Variants in ASTN2 observed in about 807,000 individuals in gnomAD.
ASTN2 encodes the protein astrotactin-2.
ASTN2 carries 54 observed loss-of-function variants against 139.8 expected under a neutral mutation model. The observed-to-expected ratio is 0.39, with a 90% CI of 0.31 to 0.48. The LOEUF (loss-of-function observed/expected upper bound fraction) is 0.48, where lower values mean the gene tolerates loss of function less well. Ranked by LOEUF, ASTN2 falls within the 20% of genes least tolerant of loss-of-function variation. The pLI, the probability that ASTN2 is intolerant of heterozygous loss-of-function variation, is 0.95. For missense variants in ASTN2, 1,565 were observed against 1,725.1 expected, an observed-to-expected ratio of 0.91 and a Z score of 1.64; for synonymous variants, 756 against 719.5, an observed-to-expected ratio of 1.05 and a Z score of -0.81.
intron 7 of ASTN2, among the ~76,000 whole-genome samples, chr9:116,981,487 A>G (rs903490159): frequency 6.6e-6 from 1 of 152,226 alleles, no homozygotes; most frequent in Non-Finnish European, 1.5e-5. Flanking sequence ...ACCCTTAAAG[A>G]TCAGCTAGTT....
chr9:116,901,021 CAT>C (rs1833995151), intron 10 of ASTN2, among the ~76,000 whole-genome samples: 1 of 151,954 alleles, frequency 6.6e-6, no homozygotes, highest in Non-Finnish European at 1.5e-5. Context: ...CAAAGTTAAA[CAT>C]AGAATGAGTG....
At chr9:117,252,501 C>T (rs1008071201) in intron 2 of ASTN2, among the ~76,000 whole-genome samples, 1 of 152,172 alleles carries the variant, frequency 6.6e-6, no homozygotes, top group South Asian at 2.1e-4. Context: ...GAGCAAGAAA[C>T]AGGACAGATC....
At chr9:116,635,265 C>T (rs946660555) in intron 17 of ASTN2, among the ~76,000 whole-genome samples, 7 of 152,066 alleles carry the variant, frequency 4.6e-5, no homozygotes, top group East Asian at 3.9e-4. Flanking sequence ...TCTAAGAAAA[C>T]GGAGCTCAGG....
chr9:116,955,048 G>A (rs1835672163), intron 10 of ASTN2, among the ~76,000 whole-genome samples: 1 of 152,226 alleles, frequency 6.6e-6, no homozygotes, highest in Non-Finnish European at 1.5e-5. Flanking sequence ...GAATGAGAAG[G>A]CACAAGATGA....
chr9:116,928,920 A>C (rs1834828045), intron 10 of ASTN2, among the ~76,000 whole-genome samples: 1 of 152,254 alleles, frequency 6.6e-6, no homozygotes, highest in Non-Finnish European at 1.5e-5. Flanking sequence ...AAAGGAAGAC[A>C]CTGGAAGCAC....
chr9:117,177,823 C>G (rs1212058461), intron 3 of ASTN2, among the ~76,000 whole-genome samples: 1 of 152,166 alleles, frequency 6.6e-6, no homozygotes, highest in Non-Finnish European at 1.5e-5. Flanking sequence ...TGTGTGGCCT[C>G]TAATCCTCCA....
Position 116,925,528 on chromosome 9 carries a change from C to T in ASTN2, c.1889+49680G>A, listed in dbSNP as rs570753704. Among the ~76,000 whole-genome samples, 13 of 152,304 alleles carry T rather than the reference C, an allele frequency of 8.5e-5. No homozygotes were observed. The South Asian group carries it at 2.7e-3, about 32-fold the overall frequency. On this transcript the variant is annotated intron_variant, in intron 10 of 22. Coordinates refer to ENST00000313400, the MANE Select transcript of ASTN2 (RefSeq NM_001365068.1). ...GGACATGCAGATGTATGTGTGTACA[C>T]ACATACTCACATGTACTCATACAGG...
At chr9:117,098,266 G>T (rs1212612853) in intron 4 of ASTN2, among the ~76,000 whole-genome samples, 1 of 152,146 alleles carries the variant, frequency 6.6e-6, no homozygotes, top group Non-Finnish European at 1.5e-5. Flanking sequence ...AGGCATCATT[G>T]TGCCTACTTT....
intron 13 of ASTN2, among the ~76,000 whole-genome samples, chr9:116,790,875 A>G (rs1394810334): frequency 6.6e-6 from 1 of 150,582 alleles, no homozygotes; most frequent in African/African-American, 2.5e-5. Flanking sequence ...GGGTTTCACC[A>G]TATTGAAAAG....
At chr9:116,452,297 T>C (rs1441697097) in intron 20 of ASTN2, among the ~76,000 whole-genome samples, 1 of 152,222 alleles carries the variant, frequency 6.6e-6, no homozygotes, top group Non-Finnish European at 1.5e-5. Context: ...ACTTCAGTTA[T>C]AGAAATGACT....
rs202002129 is a variant in ASTN2, at chr9:117,096,058, C to T, written c.1262G>A (p.Arg421His). The T allele has an allele frequency of 3.3e-5, 53 of 1,613,934 alleles. No homozygotes were observed. The highest frequency in any genetic ancestry group is 1.7e-4 in the Admixed American group (10 of 60,016). The change falls in exon 5 of 23, where the codon CGC becomes CAC. Residue 421 changes from arginine to histidine, a missense_variant. Transcript: ENST00000313400. ...LTFYTEQYRS[R>H]RRSKGLLKSP... ...GACACTATTACCTTTGCTGCGGCGG[C>T]GACTGCGGTACTGCTCCGTGTAGAA...
chr9:116,681,107 T>C (rs12339174), intron 16 of ASTN2, among the ~76,000 whole-genome samples: 10,301 of 152,272 alleles, frequency 0.068, 489 homozygotes, highest in Non-Finnish European at 0.099. Context: ...GATGACATAA[T>C]TGTATATCTA....
chr9:116,621,557 C>T (rs1343172654), intron 17 of ASTN2, among the ~76,000 whole-genome samples: 1 of 152,106 alleles, frequency 6.6e-6, no homozygotes, highest in African/African-American at 2.4e-5. Flanking sequence ...GGAAAGCCCA[C>T]CCTAACTTTC....
chr9:117,098,014 G>T (rs1828880009), intron 4 of ASTN2, among the ~76,000 whole-genome samples: 1 of 152,162 alleles, frequency 6.6e-6, no homozygotes, highest in South Asian at 2.1e-4. Flanking sequence ...GCAAAGACAT[G>T]CTTAGACATG....
intron 3 of ASTN2, among the ~76,000 whole-genome samples, chr9:117,182,708 G>C (rs1831105356): frequency 6.6e-6 from 1 of 151,966 alleles, no homozygotes; most frequent in East Asian, 1.9e-4. Context: ...TTTCATCTTA[G>C]GGCAATCCCA....
intron 16 of ASTN2, among the ~76,000 whole-genome samples, chr9:116,696,041 C>T (rs1408730214): frequency 6.6e-6 from 1 of 152,176 alleles, no homozygotes; most frequent in African/African-American, 2.4e-5. Flanking sequence ...CACCTGCTCC[C>T]TAGTTCAGAC....
Position 116,698,263 on chromosome 9 carries a change from C to T in ASTN2, c.2806+27508G>A, listed in dbSNP as rs138699534. On this transcript the variant is annotated intron_variant, in intron 16 of 22. Coordinates refer to ENST00000313400, the MANE Select transcript of ASTN2 (RefSeq NM_001365068.1). This position sits in a 1 kb window ranked among gnomAD's most constrained non-coding sequence, Gnocchi z 4.4. ...CGGAAGGCAGCCTTGGAAGGTGTCT[C>T]CAAGGACCTTCAGGCAAGGTATAAA... 438 of 1,614,022 alleles carry T rather than the reference C, an allele frequency of 2.7e-4. No homozygotes were observed. Among genetic ancestry groups the T allele is most frequent in the Non-Finnish European group, 3.5e-4 (415 of 1,180,032 alleles).
intron 5 of ASTN2, among the ~76,000 whole-genome samples, chr9:117,066,638 G>A (rs1439154914): frequency 6.6e-6 from 1 of 151,704 alleles, no homozygotes; most frequent in African/African-American, 2.4e-5. Flanking sequence ...ACCACCAACA[G>A]TATAAAAGTG....
chr9:117,317,211 A>G (rs1032799153), intron 1 of ASTN2, among the ~76,000 whole-genome samples: 1 of 152,068 alleles, frequency 6.6e-6, no homozygotes, highest in Non-Finnish European at 1.5e-5. Flanking sequence ...ACAGATTTGG[A>G]GCCTTTTATG....
Sources: gnomAD v4.1 joint callset for allele counts (sites outside exome capture counted in the v4.1 genomes callset) on GRCh38, gnomAD v4.1.1 for gene constraint, Gnocchi (gnomAD v3.1) non-coding constraint, MANE v1.5 for transcripts, NCBI Gene and HGNC (gene_info 2026-07-23, HGNC 2026-07-21) for gene names.